The following CACNA2D3 variants were observed in gnomAD, a reference collection of about 807,000 sequenced individuals.
CACNA2D3 encodes voltage-dependent calcium channel subunit alpha-2/delta-3.
CACNA2D3 carries 60 observed loss-of-function variants against 160.6 expected under a neutral mutation model. The ratio of observed to expected loss-of-function variants is 0.37; its 90% CI spans 0.30 to 0.46. The LOEUF (loss-of-function observed/expected upper bound fraction) is 0.46. Ranked by LOEUF, CACNA2D3 falls within the 20% of genes least tolerant of loss-of-function variation. The pLI is 1.00. For synonymous variants in CACNA2D3, 558 were observed against 492.9 expected (o/e 1.13, Z -1.75); for missense variants, 1,205 against 1,365.0 (o/e 0.88, Z 1.85).
At chr3:55,012,587 A>G (rs1703232892) in intron 34 of CACNA2D3, among the ~76,000 whole-genome samples, 1 of 152,116 alleles carries the variant, frequency 6.6e-6, no homozygotes, top group Admixed American at 6.6e-5. Context: ...ATCTTTGCCT[A>G]GAACAGTGGT....
chr3:54,869,414 A>G (rs899449247), intron 17 of CACNA2D3, among the ~76,000 whole-genome samples: 5 of 152,168 alleles, frequency 3.3e-5, no homozygotes, highest in African/African-American at 1.2e-4. Flanking sequence ...AGAGTGAAGC[A>G]CTGTTTAATT....
intron 4 of CACNA2D3, among the ~76,000 whole-genome samples, chr3:54,488,563 C>T (rs1701054996): frequency 6.6e-6 from 1 of 152,118 alleles, no homozygotes; most frequent in Non-Finnish European, 1.5e-5. Context: ...TAGGTCATAG[C>T]TTGGCCCACT....
chr3:55,030,266 T>G (rs1160614547), intron 35 of CACNA2D3, among the ~76,000 whole-genome samples: 1 of 152,178 alleles, frequency 6.6e-6, no homozygotes, highest in Non-Finnish European at 1.5e-5. Context: ...ATGGTAGAAG[T>G]AACTTCTGCA....
At chr3:54,624,625 CAAGAAAAAA>C (rs1025823929) in intron 9 of CACNA2D3, among the ~76,000 whole-genome samples, 171 of 151,530 alleles carry the variant, frequency 1.1e-3, no homozygotes, top group African/African-American at 4.0e-3. Context: ...TACTCCGTCT[CAAGAAAAAA>C]AAGAAAAAAA....
At chr3:54,709,072 C>CGA (rs1165517825) in intron 11 of CACNA2D3, among the ~76,000 whole-genome samples, 1 of 150,204 alleles carries the variant, frequency 6.7e-6, no homozygotes, top group East Asian at 2.0e-4. Context: ...TGCAATGACT[C>CGA]AATGTCGGCT....
intron 5 of CACNA2D3, among the ~76,000 whole-genome samples, chr3:54,515,769 A>G (rs1018206550): frequency 6.6e-6 from 1 of 152,228 alleles, no homozygotes; most frequent in Non-Finnish European, 1.5e-5. Flanking sequence ...TGCCTCAAAT[A>G]TGAAGAACAT....
chr3:54,965,207 A>C (rs1702121660), intron 27 of CACNA2D3, among the ~76,000 whole-genome samples: 1 of 151,240 alleles, frequency 6.6e-6, no homozygotes, highest in Admixed American at 6.7e-5. Context: ...TTACAAAAAG[A>C]GGCTGGATTT....
intron 27 of CACNA2D3, among the ~76,000 whole-genome samples, chr3:54,949,654 G>A (rs1701706249): frequency 6.6e-6 from 1 of 152,200 alleles, no homozygotes; most frequent in African/African-American, 2.4e-5. Flanking sequence ...GCCTAATTGT[G>A]TTGCAAACAG....
intron 2 of CACNA2D3, among the ~76,000 whole-genome samples, chr3:54,237,611 C>T (rs1223564625): frequency 3.9e-5 from 6 of 152,160 alleles, no homozygotes; most frequent in South Asian, 2.1e-4. Context: ...AGCTCACCCA[C>T]CAAGACTTCA....
At chr3:54,287,314 C>G (rs190965386) in intron 2 of CACNA2D3, among the ~76,000 whole-genome samples, 58 of 152,164 alleles carry the variant, frequency 3.8e-4, no homozygotes, top group African/African-American at 1.2e-3. Flanking sequence ...CAACAAAGAT[C>G]AAAAGAGACA....
chr3:54,966,835 A>C (rs1228552959), intron 27 of CACNA2D3: 1 of 152,330 alleles, frequency 6.6e-6, no homozygotes, highest in Non-Finnish European at 1.5e-5. Context: ...ACAAACAAAC[A>C]AACGATTCGC....
At chr3:54,844,864 ATT>A (rs1226957268) in intron 16 of CACNA2D3, among the ~76,000 whole-genome samples, 1 of 152,150 alleles carries the variant, frequency 6.6e-6, no homozygotes, top group Non-Finnish European at 1.5e-5. Flanking sequence ...ATAAAATATT[ATT>A]TGTTTTGTTT....
At chr3:54,168,351 C>T (rs1700496820) in intron 2 of CACNA2D3, among the ~76,000 whole-genome samples, 1 of 152,186 alleles carries the variant, frequency 6.6e-6, no homozygotes, top group Admixed American at 6.5e-5. Context: ...TTGGTAATTC[C>T]TGCAAAAATA....
intron 3 of CACNA2D3, among the ~76,000 whole-genome samples, chr3:54,354,612 T>C (rs1333101458): frequency 6.6e-5 from 10 of 152,172 alleles, no homozygotes; most frequent in East Asian, 1.9e-4. Context: ...GCAAAGCCAA[T>C]TGAATGAATG....
intron 23 of CACNA2D3, 114 bp downstream of exon 23, chr3:54,885,700 A>G: frequency 2.8e-6 from 2 of 718,230 alleles, no homozygotes; most frequent in South Asian, 3.3e-5. Flanking sequence ...AGAGATTATC[A>G]GTCACATGAA....
intron 4 of CACNA2D3, among the ~76,000 whole-genome samples, chr3:54,426,067 A>G (rs989538058): frequency 3.3e-5 from 5 of 152,170 alleles, no homozygotes; most frequent in African/African-American, 7.2e-5. Context: ...TTTCATGACT[A>G]TAACTCAGGT....
At chr3:54,155,792 G>A (rs1251396317) in intron 2 of CACNA2D3, among the ~76,000 whole-genome samples, 1 of 152,122 alleles carries the variant, frequency 6.6e-6, no homozygotes, top group Non-Finnish European at 1.5e-5. Flanking sequence ...GTGACCGTGG[G>A]GCCATTGAGG....
At chr3:54,641,672 C>A (rs954877146) in intron 10 of CACNA2D3, among the ~76,000 whole-genome samples, 2 of 152,192 alleles carry the variant, frequency 1.3e-5, no homozygotes, top group Non-Finnish European at 2.9e-5. Context: ...ATCTGCCTTT[C>A]AGTGCTATGC....
chr3:54,170,205 A>G (rs1422456720), intron 2 of CACNA2D3, among the ~76,000 whole-genome samples: 2 of 151,358 alleles, frequency 1.3e-5, no homozygotes, highest in Non-Finnish European at 2.9e-5. Context: ...AAAAAAAAAA[A>G]AAAGTGAGGG....
Sources: allele counts gnomAD v4.1 joint callset (sites outside exome capture counted in the v4.1 genomes callset), GRCh38; gene constraint gnomAD v4.1.1; transcripts MANE v1.5; gene names NCBI Gene and HGNC (gene_info 2026-07-23, HGNC 2026-07-21).